Variants in ADAMTSL1 observed in about 807,000 individuals in gnomAD.
ADAMTSL1 encodes the protein ADAMTS like 1, also known as ADAMTS-like protein 1.
Under a neutral mutation model 201.8 loss-of-function variants are expected in ADAMTSL1, and 126 were observed. That is an observed-to-expected ratio of 0.62 (90% CI 0.54 to 0.72). The LOEUF is 0.72. ADAMTSL1 is among the 30% of genes least tolerant of loss of function. The pLI is 0.00. For synonymous variants in ADAMTSL1, 1,121 were observed against 903.4 expected (o/e 1.24, Z -4.32); for missense variants, 2,679 against 2,277.8 (o/e 1.18, Z -3.59).
intron 1 of ADAMTSL1, among the ~76,000 whole-genome samples, chr9:17,975,506 A>T (rs1818409849): frequency 2.0e-5 from 3 of 151,984 alleles, no homozygotes. Context: ...GTGAGGGCTG[A>T]GCCTAATCAT....
intron 15 of ADAMTSL1, chr9:18,723,780 C>G (rs1817694446): frequency 6.6e-6 from 1 of 152,222 alleles, no homozygotes; most frequent in African/African-American, 2.4e-5. Context: ...AGAGTCAAAA[C>G]AGATTTTCCC....
rs142944843 is a variant in ADAMTSL1 at position 18,607,376 on chromosome 9, G to A, written c.475-14867G>A. Among the ~76,000 whole-genome samples, 207 of 152,178 alleles carry A rather than the reference G, an allele frequency of 1.4e-3. 1 individual carries two copies. Among genetic ancestry groups the A allele is most frequent in the African/African-American group, 4.6e-3 (190 of 41,504 alleles). On this transcript the variant is annotated intron_variant, in intron 4 of 28. Coordinates refer to ENST00000380548, the MANE Select transcript of ADAMTSL1 (RefSeq NM_001040272.6). Reference sequence around the variant, plus strand: ...TCGTGGTCAAATATGTTTTTCTATCGAATATGGCATTTGATAGACCCACTT... The same window carrying A: ...TCGTGGTCAAATATGTTTTTCTATCAAATATGGCATTTGATAGACCCACTT...
rs142419312 is a variant in ADAMTSL1, at chr9:18,025,639, G to A, written c.87+118717G>A. On this transcript the variant is annotated intron_variant, in intron 1 of 29. Transcript: ENST00000680146. ...TCTGTTTTTGGACCAGTACCATGCT[G>A]TTTTGGTTACTGTGGCCTTGTGATA... Among the ~76,000 whole-genome samples, 518 of 152,230 alleles carry A rather than the reference G, an allele frequency of 3.4e-3. 3 individuals are homozygous for A. The highest frequency in any genetic ancestry group is 0.012 in the African/African-American group (482 of 41,560).
At chr9:17,926,270 T>G (rs1437909347) in intron 1 of ADAMTSL1, among the ~76,000 whole-genome samples, 1 of 152,204 alleles carries the variant, frequency 6.6e-6, no homozygotes, top group Non-Finnish European at 1.5e-5. Flanking sequence ...AAGATGAAAT[T>G]CAAATTCTCA....
At chr9:18,783,190 A>G (rs528960872) in intron 19 of ADAMTSL1, among the ~76,000 whole-genome samples, 1 of 152,330 alleles carries the variant, frequency 6.6e-6, no homozygotes, top group South Asian at 2.1e-4. Context: ...AGGCAAGAAC[A>G]CTTCTCTCCA....
intron 3 of ADAMTSL1, among the ~76,000 whole-genome samples, chr9:18,539,108 C>G (rs76483072): frequency 2.6e-5 from 4 of 152,150 alleles, no homozygotes; most frequent in Non-Finnish European, 5.9e-5. Context: ...CCTTATTATT[C>G]TAGCAGTTGA....
At chr9:18,644,486 A>T (rs1827656702) in intron 7 of ADAMTSL1, among the ~76,000 whole-genome samples, 1 of 151,984 alleles carries the variant, frequency 6.6e-6, no homozygotes, top group Admixed American at 6.6e-5. Flanking sequence ...TGCTGCACCC[A>T]TTAACTTGTC....
At chr9:18,334,963 G>A (rs7021177) in intron 2 of ADAMTSL1, among the ~76,000 whole-genome samples, 1 of 151,874 alleles carries the variant, frequency 6.6e-6, no homozygotes, top group East Asian at 1.9e-4. Flanking sequence ...CCAAGACAGA[G>A]CCTCATGCAT....
intron 2 of ADAMTSL1, among the ~76,000 whole-genome samples, chr9:18,455,873 C>A (rs1266628829): frequency 1.3e-5 from 2 of 151,190 alleles, no homozygotes; most frequent in African/African-American, 4.9e-5. Context: ...TGTTAATAGC[C>A]CCCATTTTAC....
In ADAMTSL1 at chr9:18,435,433, A is replaced by C. The variant is rs759386170; in HGVS notation, c.208-69396A>C. ...TCTAATGGGGAAACCAGAATTGTTC[A>C]AATACTCACACAAATATGTAACTGC... On this transcript the variant is annotated intron_variant, in intron 2 of 29. Transcript: ENST00000680146. Among the ~76,000 whole-genome samples, 184 of 152,214 alleles carry C rather than the reference A, an allele frequency of 1.2e-3. 3 individuals are homozygous for C. Among genetic ancestry groups the C allele is most frequent in the Non-Finnish European group, 1.3e-3 (89 of 68,040 alleles).
At chr9:18,713,339 A>C (rs200265261) in intron 14 of ADAMTSL1, among the ~76,000 whole-genome samples, 2 of 152,182 alleles carry the variant, frequency 1.3e-5, no homozygotes, top group Non-Finnish European at 2.9e-5. Flanking sequence ...ATCAGTGTGC[A>C]GTATTCAGGA....
At chr9:18,231,330 C>T (rs186267810) in intron 2 of ADAMTSL1, among the ~76,000 whole-genome samples, 31 of 152,244 alleles carry the variant, frequency 2.0e-4, no homozygotes, top group Non-Finnish European at 4.0e-4. Context: ...CTATCTTTGT[C>T]GAGATCACCA....
intron 4 of ADAMTSL1, among the ~76,000 whole-genome samples, chr9:18,582,142 C>T (rs1823137924): frequency 6.6e-6 from 1 of 152,184 alleles, no homozygotes. Context: ...GGGTCACATG[C>T]CTAATTTCTT....
intron 2 of ADAMTSL1, among the ~76,000 whole-genome samples, chr9:18,424,506 G>A (rs1819113388): frequency 6.6e-6 from 1 of 152,142 alleles, no homozygotes; most frequent in African/African-American, 2.4e-5. Context: ...CAAGTACTAT[G>A]GGGTAGATAA....
intron 2 of ADAMTSL1, among the ~76,000 whole-genome samples, chr9:18,211,526 C>T (rs191730561): frequency 6.4e-4 from 98 of 152,298 alleles, no homozygotes; most frequent in African/African-American, 2.3e-3. Context: ...GGACTCTCTT[C>T]TGAGCTCTGT....
intron 1 of ADAMTSL1, among the ~76,000 whole-genome samples, chr9:17,918,735 T>C (rs1279525461): frequency 2.6e-5 from 4 of 151,924 alleles, no homozygotes. Flanking sequence ...TTACTGATTT[T>C]TCTGTATACT....
At chr9:18,587,590 C>G (rs1314534778) in intron 4 of ADAMTSL1, among the ~76,000 whole-genome samples, 2 of 152,170 alleles carry the variant, frequency 1.3e-5, no homozygotes, top group East Asian at 3.8e-4. Context: ...CTTATTCCTT[C>G]TATCTGTGTT....
intron 2 of ADAMTSL1, among the ~76,000 whole-genome samples, chr9:18,232,665 A>G (rs936240033): frequency 1.3e-5 from 2 of 152,170 alleles, no homozygotes; most frequent in Non-Finnish European, 2.9e-5. Flanking sequence ...TGACTCATTC[A>G]TATTCCTTCT....
At chr9:18,105,718 G>A (rs1481891513) in intron 1 of ADAMTSL1, among the ~76,000 whole-genome samples, 1 of 152,282 alleles carries the variant, frequency 6.6e-6, no homozygotes, top group Middle Eastern at 3.4e-3. Context: ...GTTGTAGAAA[G>A]ATACAACCTC....
Sources: gnomAD v4.1 joint callset for allele counts (sites outside exome capture counted in the v4.1 genomes callset) on GRCh38, gnomAD v4.1.1 for gene constraint, MANE v1.5 for transcripts, NCBI Gene and HGNC (gene_info 2026-07-23, HGNC 2026-07-21) for gene names.